The following LARP4B variants were observed in gnomAD, a reference collection of about 807,000 sequenced individuals.
The protein encoded by LARP4B is la-related protein 4B.
A neutral mutation model predicts 89.8 loss-of-function variants in LARP4B; 12 were observed. That is an observed-to-expected ratio of 0.13 (90% CI 0.09 to 0.22). The LOEUF (loss-of-function observed/expected upper bound fraction) is 0.22. Among genes scored for constraint, LARP4B ranks in the 10% least tolerant of loss-of-function variants. The pLI, the probability that LARP4B is intolerant of heterozygous loss-of-function variation, is 1.00. For missense variants in LARP4B, 757 were observed against 947.7 expected, an observed-to-expected ratio of 0.80 and a Z score of 2.64; for synonymous variants, 367 against 363.3, an observed-to-expected ratio of 1.01 and a Z score of -0.12.
At chr10:843,750 A>G (rs2131734850) in intron 6 of LARP4B, among the ~76,000 whole-genome samples, 1 of 152,242 alleles carries the variant, frequency 6.6e-6, no homozygotes, top group South Asian at 2.1e-4. Context: ...AGCTCAATGA[A>G]CAAGAAAGGA....
intron 2 of LARP4B, among the ~76,000 whole-genome samples, chr10:885,212 G>A (rs530046635): frequency 2.6e-5 from 4 of 152,248 alleles, no homozygotes; most frequent in Admixed American, 6.5e-5. Flanking sequence ...AACACACAGG[G>A]ATGTCAAGAA....
intron 7 of LARP4B, among the ~76,000 whole-genome samples, chr10:839,425 T>G (rs1833402505): frequency 6.6e-6 from 1 of 152,148 alleles, no homozygotes; most frequent in Non-Finnish European, 1.5e-5. Flanking sequence ...TTATAAAAAA[T>G]AAAGTCTACT....
At chr10:889,679 GT>G (rs1336260021) in intron 1 of LARP4B, among the ~76,000 whole-genome samples, 1 of 152,152 alleles carries the variant, frequency 6.6e-6, no homozygotes, top group Non-Finnish European at 1.5e-5. Context: ...CCCAAACAAC[GT>G]AAGAAGTAAC....
chr10:955,655 T>A, the LARP4B span, among the ~76,000 whole-genome samples: 1 of 152,140 alleles, frequency 6.6e-6, no homozygotes, highest in Non-Finnish European at 1.5e-5. The surrounding 1 kb of genome is among the most constrained non-coding windows in gnomAD (Gnocchi z 5.2). Flanking sequence ...ACACCATGGT[T>A]ATTAAAGAGC....
chr10:922,794 C>T (rs951534596), intron 1 of LARP4B, among the ~76,000 whole-genome samples: 1 of 152,120 alleles, frequency 6.6e-6, no homozygotes, highest in African/African-American at 2.4e-5. Context: ...CTACGCAGGC[C>T]GGGCACAGTG....
chr10:915,776 T>G (rs1836802784), intron 1 of LARP4B, among the ~76,000 whole-genome samples: 1 of 141,392 alleles, frequency 7.1e-6, no homozygotes, highest in Non-Finnish European at 1.5e-5. Context: ...GAGGTTGCAG[T>G]GAGCCCAGAT....
intron 3 of LARP4B, among the ~76,000 whole-genome samples, chr10:865,332 C>T (rs1413800417): frequency 2.0e-5 from 3 of 152,202 alleles, no homozygotes; most frequent in Non-Finnish European, 2.9e-5. Context: ...ACATACCAAG[C>T]TCATCGGCCA....
chr10:947,110 T>G, the LARP4B span, among the ~76,000 whole-genome samples: 1 of 152,302 alleles, frequency 6.6e-6, no homozygotes, highest in East Asian at 1.9e-4. Context: ...CCTCAGTTGA[T>G]CCACCCACCT....
At position 812,867 on chromosome 10, in the gene LARP4B, G is replaced by C; in HGVS notation, c.*59C>G. ...AGCGGCTCGCCCTCGCACTGAGTGG[G>C]AGAGTGTCTCGTTTGTGGTTAACAC... On this transcript the variant is annotated 3_prime_UTR_variant, in exon 18 of 18. Coordinates refer to ENST00000316157, the MANE Select transcript of LARP4B (RefSeq NM_015155.3). The C allele has an allele frequency of 1.4e-6, 2 of 1,466,046 alleles. No homozygotes were observed. Among genetic ancestry groups the C allele is most frequent in the Non-Finnish European group, 1.8e-6 (2 of 1,106,386 alleles). 90.8% of individuals were successfully genotyped at this position (1,466,046 alleles called of 1,614,324 possible). A position where few individuals can be genotyped will look rare whatever the true frequency, so the allele number is the denominator to read the frequency against.
At chr10:823,098 G>T (rs1026416198) in intron 13 of LARP4B, among the ~76,000 whole-genome samples, 2 of 152,198 alleles carry the variant, frequency 1.3e-5, no homozygotes, top group Non-Finnish European at 2.9e-5. Context: ...GAAGGAGGAG[G>T]TTACGAAGGT....
the LARP4B span, among the ~76,000 whole-genome samples, chr10:966,317 A>G: frequency 0.013 from 1,953 of 152,236 alleles, 21 homozygotes; most frequent in Non-Finnish European, 0.021. Context: ...ATAGCTGGGC[A>G]TGGTGGCGCA....
the LARP4B span, among the ~76,000 whole-genome samples, chr10:957,265 C>T: frequency 2.6e-5 from 4 of 152,120 alleles, no homozygotes; most frequent in South Asian, 2.1e-4. Context: ...GGGGTTCAAG[C>T]GATTATCCTG....
At chr10:954,979 G>C in the LARP4B span, among the ~76,000 whole-genome samples, 1 of 19,444 alleles carries the variant, frequency 5.1e-5, no homozygotes, top group Non-Finnish European at 9.4e-5. The surrounding 1 kb of genome is among the most constrained non-coding windows in gnomAD (Gnocchi z 5.0). Flanking sequence ...TCCCATCCAC[G>C]CTTCCCCAGG....
chr10:814,699 G>C lies in LARP4B; in HGVS notation c.1929+43C>G. 1 of 1,559,788 alleles carries C rather than the reference G, an allele frequency of 6.4e-7. No individual in the cohort carries two copies. Among genetic ancestry groups the C allele is most frequent in the Non-Finnish European group, 8.7e-7 (1 of 1,151,340 alleles). ...GTGCGCAGCGTCTGTTCACACCAGA[G>C]CCTCGCGGCTGTCGTGCAGGAAGGC... On this transcript the variant is annotated intron_variant, in intron 17 of 17. Coordinates refer to ENST00000316157, the MANE Select transcript of LARP4B (RefSeq NM_015155.3). This position sits in a 1 kb window ranked among gnomAD's most constrained non-coding sequence, Gnocchi z 4.4.
At chr10:888,321 A>AAAAC (rs901939429) in intron 1 of LARP4B, among the ~76,000 whole-genome samples, 2 of 148,526 alleles carry the variant, frequency 1.3e-5, no homozygotes, top group East Asian at 1.9e-4. Context: ...GACTGTCTCA[A>AAAAC]AAACAAACAA....
intron 8 of LARP4B, 72 bp from the exon 9 acceptor site, chr10:831,049 A>T: frequency 1.6e-6 from 1 of 637,038 alleles, no homozygotes; most frequent in Non-Finnish European, 2.8e-6. Flanking sequence ...AAATTTTTTT[A>T]ACAAATGCAT....
intron 11 of LARP4B, among the ~76,000 whole-genome samples, chr10:828,546 C>T (rs1040928549): frequency 9.9e-5 from 15 of 152,178 alleles, no homozygotes; most frequent in African/African-American, 2.9e-4. Flanking sequence ...CCCAGCCATC[C>T]GACCCTGAGG....
chr10:859,336 C>T (rs1166715201), intron 5 of LARP4B, among the ~76,000 whole-genome samples: 2 of 151,388 alleles, frequency 1.3e-5, no homozygotes, highest in African/African-American at 4.9e-5. Context: ...AAACTGGAAC[C>T]CTTGTACACT....
intron 5 of LARP4B, among the ~76,000 whole-genome samples, chr10:847,038 C>T (rs1442056403): frequency 6.6e-6 from 1 of 152,100 alleles, no homozygotes; most frequent in Non-Finnish European, 1.5e-5. Flanking sequence ...AAGAGCTCGA[C>T]AAATGCTGCT....
Sources: allele counts gnomAD v4.1 joint callset (sites outside exome capture counted in the v4.1 genomes callset), GRCh38; gene constraint gnomAD v4.1.1; non-coding constraint Gnocchi (gnomAD v3.1); transcripts MANE v1.5; gene names NCBI Gene and HGNC (gene_info 2026-07-23, HGNC 2026-07-21).